UNC5C: variants seen among roughly 807,000 people sequenced by gnomAD.
UNC5C encodes the protein unc-5 netrin receptor C, also known as netrin receptor UNC5C.
Under a neutral mutation model 99.8 loss-of-function variants are expected in UNC5C, and 47 were observed. That is an observed-to-expected ratio of 0.47 (90% confidence interval 0.37 to 0.60). UNC5C has a LOEUF of 0.60. Among genes scored for constraint, UNC5C ranks in the 20% least tolerant of loss-of-function variants. UNC5C has a pLI of 0.00. For missense variants in UNC5C, 1,062 were observed against 1,165.9 expected, an observed-to-expected ratio of 0.91 and a Z score of 1.30; for synonymous variants, 487 against 452.2, an observed-to-expected ratio of 1.08 and a Z score of -0.98.
intron 7 of UNC5C, chr4:95,222,164 C>T (rs968414822): frequency 8.7e-6 from 12 of 1,385,236 alleles, no homozygotes; most frequent in South Asian, 2.8e-5. Context: ...GGGGCAATAA[C>T]GTTAAATGAT....
chr4:95,454,251 TAG>T (rs1013967091), intron 1 of UNC5C, among the ~76,000 whole-genome samples: 1 of 149,924 alleles, frequency 6.7e-6, no homozygotes, highest in Non-Finnish European at 1.5e-5. Flanking sequence ...CGCAAAAATT[TAG>T]AGTCAATCAG....
intron 12 of UNC5C, among the ~76,000 whole-genome samples, chr4:95,188,449 G>A (rs192413910): frequency 9.2e-5 from 14 of 152,278 alleles, no homozygotes; most frequent in African/African-American, 2.9e-4. Flanking sequence ...GAGCTGACTC[G>A]TCACATACGG....
intron 1 of UNC5C, among the ~76,000 whole-genome samples, chr4:95,401,301 A>AT (rs1299010137): frequency 1.3e-5 from 2 of 151,674 alleles, no homozygotes; most frequent in Non-Finnish European, 2.9e-5. Flanking sequence ...TATTATTTTT[A>AT]TTTTTTTATT....
chr4:95,182,358 A>G (rs1459118172), intron 14 of UNC5C, among the ~76,000 whole-genome samples: 1 of 152,168 alleles, frequency 6.6e-6, no homozygotes, highest in Admixed American at 6.5e-5. Flanking sequence ...TATTTAGAGA[A>G]TGATAGAGAG....
intron 1 of UNC5C, among the ~76,000 whole-genome samples, chr4:95,401,354 A>G (rs1250940128): frequency 6.6e-6 from 1 of 152,036 alleles, no homozygotes; most frequent in Admixed American, 6.6e-5. Flanking sequence ...GCTGTAGTGC[A>G]GTGCTGTGAT....
intron 1 of UNC5C, among the ~76,000 whole-genome samples, chr4:95,364,091 C>T (rs1270706502): frequency 6.6e-6 from 1 of 152,204 alleles, no homozygotes; most frequent in African/African-American, 2.4e-5. Context: ...CTTTCTGCTG[C>T]CACTCTCAAC....
At chr4:95,281,618 T>C (rs1741062541) in intron 3 of UNC5C, among the ~76,000 whole-genome samples, 1 of 152,100 alleles carries the variant, frequency 6.6e-6, no homozygotes, top group African/African-American at 2.4e-5. Context: ...GAAGAAGATG[T>C]AGGTATTTGG....
chr4:95,507,328 G>A (rs1257983990), intron 1 of UNC5C, among the ~76,000 whole-genome samples: 7 of 151,952 alleles, frequency 4.6e-5, no homozygotes, highest in African/African-American at 1.2e-4. Context: ...AACGACAGCT[G>A]CTAACTCTGG....
intron 3 of UNC5C, among the ~76,000 whole-genome samples, chr4:95,285,927 C>A (rs1741218419): frequency 6.6e-6 from 1 of 152,140 alleles, no homozygotes; most frequent in Non-Finnish European, 1.5e-5. Flanking sequence ...TTTTGGCATA[C>A]AAAACCCTGG....
intron 1 of UNC5C, among the ~76,000 whole-genome samples, chr4:95,469,556 G>A (rs772842417): frequency 6.9e-6 from 1 of 144,916 alleles, no homozygotes; most frequent in Non-Finnish European, 1.5e-5. Context: ...TAACTGCAGT[G>A]ACGGTTTCAC....
chr4:95,253,583 C>T (rs114217055), intron 4 of UNC5C, among the ~76,000 whole-genome samples: 4,218 of 152,220 alleles, frequency 0.028, 186 homozygotes, highest in African/African-American at 0.095. Flanking sequence ...ACTTGAATCA[C>T]AGAAACTCTG....
chr4:95,311,310 G>T (rs989103338), intron 2 of UNC5C, among the ~76,000 whole-genome samples: 2 of 152,066 alleles, frequency 1.3e-5, no homozygotes, highest in Non-Finnish European at 2.9e-5. Flanking sequence ...AAACAATTTT[G>T]TGAATACATG....
rs1735730641 is a variant in UNC5C at position 95,162,926 on chromosome 4, G to A, written c.*6308C>T. 2.0e-5 allele frequency: 3 copies of A among 152,202 alleles called. No homozygotes were observed. Among genetic ancestry groups the A allele is most frequent in the Admixed American group, 1.3e-4 (2 of 15,284 alleles). 9.4% of individuals were successfully genotyped at this position (152,202 alleles called of 1,614,324 possible). A position where few individuals can be genotyped will look rare whatever the true frequency, so the allele number is the denominator to read the frequency against. ...AAGGGGACAGTAGGTGGATGACACT[G>A]CCTCTTCAACACGACTGCTGGGGAT... On this transcript the variant is annotated 3_prime_UTR_variant, in exon 16 of 16. Coordinates refer to ENST00000453304, the MANE Select transcript of UNC5C (RefSeq NM_003728.4).
intron 11 of UNC5C, among the ~76,000 whole-genome samples, chr4:95,203,803 T>TTG (rs60717573): frequency 0.069 from 10,481 of 151,570 alleles, 452 homozygotes; most frequent in African/African-American, 0.13. Flanking sequence ...GGATTTCATA[T>TTG]TGTGTGTGTG....
At chr4:95,402,824 C>A (rs950058360) in intron 1 of UNC5C, among the ~76,000 whole-genome samples, 1 of 152,152 alleles carries the variant, frequency 6.6e-6, no homozygotes, top group African/African-American at 2.4e-5. Flanking sequence ...GCAGCAATTT[C>A]TTTAGAGTCC....
chr4:95,544,732 G>T (rs1723013600), intron 1 of UNC5C, among the ~76,000 whole-genome samples: 1 of 152,108 alleles, frequency 6.6e-6, no homozygotes, highest in South Asian at 2.1e-4. Flanking sequence ...ATGTGAACAG[G>T]TTTGTTTTTA....
chr4:95,467,301 G>A (rs545216875), intron 1 of UNC5C, among the ~76,000 whole-genome samples: 1 of 152,254 alleles, frequency 6.6e-6, no homozygotes, highest in African/African-American at 2.4e-5. Flanking sequence ...GATAATGAAT[G>A]CAATCACTTT....
intron 3 of UNC5C, among the ~76,000 whole-genome samples, chr4:95,293,113 T>C (rs1741539812): frequency 6.6e-6 from 1 of 152,122 alleles, no homozygotes; most frequent in African/African-American, 2.4e-5. Context: ...AAGCCAGTTT[T>C]AGACTTGGGG....
chr4:95,547,172 C>T (rs1226556649), intron 1 of UNC5C, among the ~76,000 whole-genome samples: 1 of 151,980 alleles, frequency 6.6e-6, no homozygotes, highest in Non-Finnish European at 1.5e-5. Context: ...GACAGATGAA[C>T]TCTGGAGGTG....
Sources: gnomAD v4.1 joint callset for allele counts (sites outside exome capture counted in the v4.1 genomes callset) on GRCh38, gnomAD v4.1.1 for gene constraint, MANE v1.5 for transcripts, NCBI Gene and HGNC (gene_info 2026-07-23, HGNC 2026-07-21) for gene names.